Variants in FANCB observed in about 807,000 individuals in gnomAD.
FANCB encodes the protein FA complementation group B.
Under a neutral mutation model 38.9 loss-of-function variants are expected in FANCB, and 5 were observed. The ratio of observed to expected loss-of-function variants is 0.13; its 90% confidence interval spans 0.07 to 0.27. The LOEUF is 0.27. FANCB is among the 10% of genes least tolerant of loss of function. The probability of loss-of-function intolerance (pLI) is 1.00; values close to 1 mark genes in which losing one functional copy is unlikely to be tolerated. For synonymous variants in FANCB, 236 were observed against 215.4 expected (o/e 1.10, Z -0.84); for missense variants, 573 against 602.7 (o/e 0.95, Z 0.52).
At chrX:14,766,813 T>C in the FANCB span, among the ~76,000 whole-genome samples, 1 of 110,726 alleles carries the variant, frequency 9.0e-6, no homozygotes, top group Non-Finnish European at 1.9e-5. Flanking sequence ...CACCATTCAT[T>C]AGCTATTTTT....
At chrX:14,837,835 G>A (rs1321016656) in intron 10 of FANCB, among the ~76,000 whole-genome samples, 2 of 112,106 alleles carry the variant, frequency 1.8e-5, no homozygotes, top group African/African-American at 6.5e-5. Context: ...CCCCTTACCA[G>A]CTATGTGACT....
At chrX:14,837,895 CAG>C (rs1372133378) in intron 10 of FANCB, among the ~76,000 whole-genome samples, 1 of 111,827 alleles carries the variant, frequency 8.9e-6, no homozygotes, top group Non-Finnish European at 1.9e-5. Context: ...TATCGATAAA[CAG>C]AGTTAGTTAA....
At chrX:14,797,691 A>AGAGAG in the FANCB span, among the ~76,000 whole-genome samples, 2 of 103,293 alleles carry the variant, frequency 1.9e-5, no homozygotes, top group Non-Finnish European at 3.9e-5. Context: ...AAAAAAAAAA[A>AGAGAG]AGAGAGAGAG....
chrX:14,719,544 CA>C, the FANCB span, among the ~76,000 whole-genome samples: 1 of 111,032 alleles, frequency 9.0e-6, no homozygotes, highest in Admixed American at 9.6e-5. Flanking sequence ...ATCAAAAAGA[CA>C]AAAAATAACA....
the FANCB span, among the ~76,000 whole-genome samples, chrX:14,716,783 T>A: frequency 9.0e-6 from 1 of 111,232 alleles, no homozygotes; most frequent in Non-Finnish European, 1.9e-5. Flanking sequence ...TGGGAAGCAA[T>A]ATTAAAGAAA....
At chrX:14,844,081 AC>A in intron 9 of FANCB, 100 bp from the exon 10 acceptor site, 1 of 687,997 alleles carries the variant, frequency 1.5e-6, no homozygotes, top group Non-Finnish European at 2.2e-6. Flanking sequence ...ATTTATAAAC[AC>A]CATAATGATA....
chrX:14,698,669 CTCTA>C, the FANCB span, among the ~76,000 whole-genome samples: 2 of 67,992 alleles, frequency 2.9e-5, no homozygotes, highest in South Asian at 1.3e-3. Context: ...CAGAGTGAGA[CTCTA>C]TCTATCTCAA....
chrX:14,796,886 G>A, the FANCB span, among the ~76,000 whole-genome samples: 1 of 110,264 alleles, frequency 9.1e-6, no homozygotes, highest in Non-Finnish European at 1.9e-5. Context: ...AGAGCTGGTG[G>A]TGTTGATTCC....
chrX:14,744,847 CG>C, the FANCB span, among the ~76,000 whole-genome samples: 3 of 111,254 alleles, frequency 2.7e-5, no homozygotes, highest in East Asian at 8.4e-4. Flanking sequence ...AGTACCTGCA[CG>C]GAACACATCA....
At chrX:14,821,284 T>C in the FANCB span, among the ~76,000 whole-genome samples, 2 of 112,039 alleles carry the variant, frequency 1.8e-5, no homozygotes, top group African/African-American at 6.5e-5. Context: ...ATCAATTTAG[T>C]TGAAACACAC....
At chrX:14,721,226 T>C in the FANCB span, among the ~76,000 whole-genome samples, 1 of 110,969 alleles carries the variant, frequency 9.0e-6, no homozygotes, top group Non-Finnish European at 1.9e-5. Context: ...AACCCTGTTT[T>C]AGTTAGGAGG....
At chrX:14,696,146 GAAGA>G in the FANCB span, among the ~76,000 whole-genome samples, 2 of 100,416 alleles carry the variant, frequency 2.0e-5, no homozygotes, top group Non-Finnish European at 4.0e-5. Flanking sequence ...AAGAAGGAAG[GAAGA>G]AAGAAACCAA....
At chrX:14,858,889 T>A (rs2092434437) in intron 4 of FANCB, among the ~76,000 whole-genome samples, 1 of 111,643 alleles carries the variant, frequency 9.0e-6, no homozygotes, top group Non-Finnish European at 1.9e-5. Context: ...TTTATTGGTA[T>A]AAAATGTGAT....
chrX:14,866,538 T>C (rs1220144888), intron 2 of FANCB, among the ~76,000 whole-genome samples: 2 of 111,309 alleles, frequency 1.8e-5, no homozygotes, highest in Non-Finnish European at 3.8e-5. Context: ...GACTCTGGAG[T>C]CTACACTTTT....
the FANCB span, among the ~76,000 whole-genome samples, chrX:14,711,154 C>T: frequency 1.8e-5 from 2 of 112,236 alleles, no homozygotes; most frequent in African/African-American, 6.5e-5. Context: ...CTTCTCAAGG[C>T]CAGCCTTTTG....
chrX:14,850,670 T>A lies in FANCB; in HGVS notation c.1331A>T (p.Glu444Val), dbSNP rs368679125. 6.9e-5 allele frequency: 78 copies of A among 1,136,766 alleles called. No homozygotes were observed. The highest frequency in any genetic ancestry group is 9.3e-5 in the Non-Finnish European group (78 of 834,776). 93.7% of individuals were successfully genotyped at this position (1,136,766 alleles called of 1,213,427 possible). ...TTCACCACAAAGAGGAACAAGACAT[T>A]CCTTCTAAAAAAAAAAGTTTAAATA... ...DDNTSSAEEKECLVPLCGEEE... is the reference protein window; with the variant it reads ...DDNTSSAEEKVCLVPLCGEEE... The change falls in exon 7 of 10, where the codon GAA (glutamate) becomes GTA (valine). Residue 444 changes from glutamate to valine, a missense_variant. Coordinates refer to ENST00000650831, the MANE Select transcript of FANCB (RefSeq NM_001018113.3).
At chrX:14,723,656 C>T in the FANCB span, among the ~76,000 whole-genome samples, 18 of 111,680 alleles carry the variant, frequency 1.6e-4, no homozygotes, top group Non-Finnish European at 3.0e-4. Context: ...CCACACTCCC[C>T]CTGTATTCCA....
At chrX:14,779,975 G>A in the FANCB span, among the ~76,000 whole-genome samples, 1 of 111,080 alleles carries the variant, frequency 9.0e-6, no homozygotes, top group Non-Finnish European at 1.9e-5. Context: ...TGGGGAACCT[G>A]AAAGTACAGC....
At chrX:14,812,190 T>G in the FANCB span, among the ~76,000 whole-genome samples, 2 of 110,235 alleles carry the variant, frequency 1.8e-5, no homozygotes, top group African/African-American at 6.6e-5. Flanking sequence ...TTTATAGCAC[T>G]AAATGCCCAC....
Sources: gnomAD v4.1 joint callset for allele counts (sites outside exome capture counted in the v4.1 genomes callset) on GRCh38, gnomAD v4.1.1 for gene constraint, MANE v1.5 for transcripts, NCBI Gene and HGNC (gene_info 2026-07-23, HGNC 2026-07-21) for gene names.